The following TCF20 variants were observed in gnomAD, a reference collection of about 807,000 sequenced individuals.
The protein encoded by TCF20 is SPRE-binding protein.
In TCF20, 3 loss-of-function variants were observed where a neutral mutation model predicts 148.6. The observed-to-expected ratio is 0.02, with a 90% CI of 0.01 to 0.05. TCF20 has a LOEUF of 0.05. Among genes scored for constraint, TCF20 ranks in the 10% least tolerant of loss-of-function variants. The probability of loss-of-function intolerance (pLI) is 1.00; values close to 1 mark genes in which losing one functional copy is unlikely to be tolerated. For missense variants in TCF20, 2,350 were observed against 2,429.3 expected (o/e 0.97, Z 0.69); for synonymous variants, 1,049 against 909.5 (o/e 1.15, Z -2.76).
chr22:42,303,975 G>GTGCC (rs1207105193), intron 1 of TCF20, among the ~76,000 whole-genome samples: 1 of 152,024 alleles, frequency 6.6e-6, no homozygotes, highest in Non-Finnish European at 1.5e-5. Context: ...TCTCTCCCAG[G>GTGCC]TGCCTGGCAG....
rs1936671053 is a variant in TCF20, at chr22:42,179,599, C to G, written c.5749+10G>C. Reference sequence around the variant, plus strand: ...GATGCTCTGGACAAGGGTCTGTGGTCTCCTCTTACCTGCATCAATGGCACA... The same window carrying G: ...GATGCTCTGGACAAGGGTCTGTGGTGTCCTCTTACCTGCATCAATGGCACA... On this transcript the variant is annotated intron_variant, in intron 3 of 5. Coordinates refer to ENST00000677622, the MANE Select transcript of TCF20 (RefSeq NM_001378418.1). 6.2e-7 allele frequency: 1 copy of G among 1,606,878 alleles called. No individual in the cohort carries two copies. The highest frequency in any genetic ancestry group is 8.5e-7 in the Non-Finnish European group (1 of 1,173,854).
At chr22:42,244,519 G>C (rs1010016764) in intron 1 of TCF20, among the ~76,000 whole-genome samples, 1 of 152,284 alleles carries the variant, frequency 6.6e-6, no homozygotes, top group East Asian at 1.9e-4. Flanking sequence ...TACGCGCTAA[G>C]TGAAAGAAGT....
At chr22:42,275,377 CTA>C (rs1193028422), upstream of TCF20, among the ~76,000 whole-genome samples, 1 of 152,170 alleles carries the variant, frequency 6.6e-6, no homozygotes, top group African/African-American at 2.4e-5. Flanking sequence ...GAGCAGAGAG[CTA>C]ACACCTGAGG....
chr22:42,260,496 G>C (rs1004506336), intron 1 of TCF20, among the ~76,000 whole-genome samples: 1 of 152,130 alleles, frequency 6.6e-6, no homozygotes, highest in Non-Finnish European at 1.5e-5. Flanking sequence ...TCAGATAAGA[G>C]GGTATGGTTC....
intron 2 of TCF20, among the ~76,000 whole-genome samples, chr22:42,182,165 G>T (rs1936810750): frequency 6.6e-6 from 1 of 152,194 alleles, no homozygotes; most frequent in Non-Finnish European, 1.5e-5. Flanking sequence ...TGCTGTAGAA[G>T]GGTTAAGTAT....
intron 1 of TCF20, among the ~76,000 whole-genome samples, chr22:42,230,685 T>C (rs960146994): frequency 1.3e-5 from 2 of 151,720 alleles, no homozygotes; most frequent in Non-Finnish European, 2.9e-5. Context: ...ACTGTTATCA[T>C]AGGAGATGAT....
At chr22:42,272,397 A>G (rs1333675747), upstream of TCF20, among the ~76,000 whole-genome samples, 2 of 152,258 alleles carry the variant, frequency 1.3e-5, no homozygotes, top group East Asian at 1.9e-4. Flanking sequence ...GAGAGAATTC[A>G]TGAAGAAAGA....
At position 42,214,242 on chromosome 22, in the gene TCF20, C is replaced by T; in HGVS notation, c.1064G>A (p.Arg355Lys). ...GQYNQPEVPVRSPMQFHQNFS... is the reference protein window; with the variant it reads ...GQYNQPEVPVKSPMQFHQNFS... Reference sequence around the variant, plus strand: ...GTTCTGGTGAAACTGCATGGGGGACCTCACAGGAACCTCAGGCTGGTTGTA... The same window carrying T: ...GTTCTGGTGAAACTGCATGGGGGACTTCACAGGAACCTCAGGCTGGTTGTA... Residue 355 changes from arginine to lysine, a missense_variant, in exon 2 of 6, where the codon AGG (arginine) becomes AAG (lysine). By Grantham distance (26) the Arg-to-Lys change is conservative. This residue lies in a region of TCF20 where 1,641 missense variants were observed against 1,662.6 expected (regional missense o/e 0.99). Coordinates refer to ENST00000677622, the MANE Select transcript of TCF20 (RefSeq NM_001378418.1). The T allele has an allele frequency of 6.2e-7, 1 of 1,614,178 alleles. No individual in the cohort carries two copies. Among genetic ancestry groups the T allele is most frequent in the South Asian group, 1.1e-5 (1 of 91,080 alleles).
At chr22:42,190,965 T>G (rs1312790892) in intron 2 of TCF20, among the ~76,000 whole-genome samples, 5 of 152,200 alleles carry the variant, frequency 3.3e-5, no homozygotes, top group African/African-American at 1.2e-4. Flanking sequence ...ACACTGTAAC[T>G]CTAATTATCC....
At chr22:42,264,130 G>A (rs891558087) in intron 1 of TCF20, among the ~76,000 whole-genome samples, 2 of 151,870 alleles carry the variant, frequency 1.3e-5, no homozygotes, top group African/African-American at 2.4e-5. Flanking sequence ...TTTCTGATCC[G>A]CACAGTTCCC....
At chr22:42,275,472 G>A (rs1926756870), upstream of TCF20, among the ~76,000 whole-genome samples, 1 of 152,222 alleles carries the variant, frequency 6.6e-6, no homozygotes, top group African/African-American at 2.4e-5. Context: ...CCCAGTGGCT[G>A]GACTCTCATC....
upstream of TCF20, among the ~76,000 whole-genome samples, chr22:42,273,360 C>CAAAAAAAAAAAAAAAAAA (rs35166029): frequency 3.3e-5 from 2 of 61,266 alleles, 1 homozygote; most frequent in African/African-American, 1.3e-4. Flanking sequence ...AACTCCGTCT[C>CAAAAAAAAAAAAAAAAAA]AAAAAAAAAA....
At chr22:42,252,111 A>ATTT (rs141467897) in intron 1 of TCF20, among the ~76,000 whole-genome samples, 1 of 148,804 alleles carries the variant, frequency 6.7e-6, no homozygotes, top group Non-Finnish European at 1.5e-5. Flanking sequence ...CTCTACCTGT[A>ATTT]TTTTTTTTTG....
chr22:42,306,527 A>C (rs897257655), intron 1 of TCF20, among the ~76,000 whole-genome samples: 9 of 152,164 alleles, frequency 5.9e-5, no homozygotes, highest in Non-Finnish European at 8.8e-5. Flanking sequence ...GTGGGCCTCC[A>C]CTGTGCCCGT....
intron 1 of TCF20, among the ~76,000 whole-genome samples, chr22:42,239,589 A>G (rs114710032): frequency 0.018 from 2,693 of 152,236 alleles, 90 homozygotes; most frequent in African/African-American, 0.061. Context: ...GGAGTTCCAG[A>G]CCAGTCTGGC....
intron 2 of TCF20, among the ~76,000 whole-genome samples, chr22:42,205,745 C>T (rs1039346385): frequency 1.3e-5 from 2 of 152,122 alleles, no homozygotes; most frequent in African/African-American, 2.4e-5. Flanking sequence ...AGTGGTACAT[C>T]AGCTCAAAGA....
intron 2 of TCF20, among the ~76,000 whole-genome samples, chr22:42,199,144 T>C (rs1937804308): frequency 6.6e-6 from 1 of 152,212 alleles, no homozygotes; most frequent in Non-Finnish European, 1.5e-5. Flanking sequence ...AACAGTTCCA[T>C]TAGTTTTACA....
chr22:42,195,480 A>G (rs1397656334), intron 2 of TCF20, among the ~76,000 whole-genome samples: 1 of 151,696 alleles, frequency 6.6e-6, no homozygotes, highest in Non-Finnish European at 1.5e-5. Context: ...ATATTCACAA[A>G]TTATTTCCAA....
At chr22:42,319,852 G>A (rs945244537) in intron 1 of TCF20, among the ~76,000 whole-genome samples, 10 of 152,124 alleles carry the variant, frequency 6.6e-5, no homozygotes, top group East Asian at 1.9e-4. Context: ...GGGCTGTGCC[G>A]CAGCTGTGTC....
Sources: allele counts gnomAD v4.1 joint callset (sites outside exome capture counted in the v4.1 genomes callset), GRCh38; gene constraint gnomAD v4.1.1; regional missense constraint gnomAD v4.1.1; transcripts MANE v1.5; gene names NCBI Gene and HGNC (gene_info 2026-07-23, HGNC 2026-07-21).